SNX29: variants seen among roughly 807,000 people sequenced by gnomAD.
The protein encoded by SNX29 is sorting nexin 29, also known as sorting nexin-29.
SNX29 carries 78 observed loss-of-function variants against 102.1 expected under a neutral mutation model. The ratio of observed to expected loss-of-function variants is 0.76; its 90% CI spans 0.64 to 0.92. The LOEUF (loss-of-function observed/expected upper bound fraction) is 0.92. SNX29 is among the 40% of genes least tolerant of loss of function. The pLI is 0.00. For missense variants in SNX29, 1,280 were observed against 1,061.7 expected (o/e 1.21, Z -2.86); for synonymous variants, 580 against 414.5 (o/e 1.40, Z -4.85).
intron 14 of SNX29, among the ~76,000 whole-genome samples, chr16:12,233,800 C>T (rs2077842358): frequency 6.6e-6 from 1 of 152,154 alleles, no homozygotes; most frequent in Non-Finnish European, 1.5e-5. Flanking sequence ...CATTCTCCTT[C>T]CTGTCTCTGT....
chr16:12,471,587 A>G (rs1361873799), intron 18 of SNX29, among the ~76,000 whole-genome samples: 1 of 152,246 alleles, frequency 6.6e-6, no homozygotes, highest in East Asian at 1.9e-4. Flanking sequence ...GTGTACCCAC[A>G]GAGCCTTGGC....
intron 14 of SNX29, among the ~76,000 whole-genome samples, chr16:12,248,917 G>A (rs2078341292): frequency 6.6e-6 from 1 of 152,176 alleles, no homozygotes; most frequent in African/African-American, 2.4e-5. Context: ...TTAGTGTCCA[G>A]AACAGTGAGT....
intron 11 of SNX29, chr16:12,095,122 C>G (rs371011927): frequency 6.6e-6 from 1 of 152,142 alleles, no homozygotes. Context: ...GCGGAAGTAC[C>G]GTCACTGCTG....
At chr16:12,141,943 C>T (rs1270882972) in intron 13 of SNX29, among the ~76,000 whole-genome samples, 1 of 152,188 alleles carries the variant, frequency 6.6e-6, no homozygotes, top group South Asian at 2.1e-4. Context: ...GTCTCAGCCT[C>T]ATTTTAACCA....
chr16:12,000,262 C>A (rs2056238824), intron 2 of SNX29: 1 of 152,920 alleles, frequency 6.5e-6, no homozygotes, highest in Admixed American at 6.5e-5. Context: ...GTGCCAGGCT[C>A]TCTGCTAAGC....
chr16:12,322,034 G>C (rs576726354), intron 15 of SNX29, among the ~76,000 whole-genome samples: 1 of 152,160 alleles, frequency 6.6e-6, no homozygotes, highest in South Asian at 2.1e-4. Flanking sequence ...TCAGGCTGTC[G>C]TCGGGGTCCC....
chr16:12,115,311 T>C (rs923066354), intron 11 of SNX29, among the ~76,000 whole-genome samples: 1 of 152,140 alleles, frequency 6.6e-6, no homozygotes, highest in Non-Finnish European at 1.5e-5. Context: ...AGTGGGTTTC[T>C]CAGTCTCCCT....
Position 12,571,522 on chromosome 16 carries a change from C to A in SNX29, c.*2893C>A. ...GCCCACCTCTCAAGGGCCTTGGATT[C>A]CTGGGACCACCCTTTGCTGGGAGGA... On this transcript the variant is annotated 3_prime_UTR_variant, in exon 21 of 21. Coordinates refer to ENST00000566228, the MANE Select transcript of SNX29 (RefSeq NM_032167.5). 2.6e-6 allele frequency: 2 copies of A among 778,778 alleles called. No homozygotes were observed. Among genetic ancestry groups the A allele is most frequent in the Non-Finnish European group, 1.6e-6 (1 of 618,208 alleles). 48.2% of individuals were successfully genotyped at this position (778,778 alleles called of 1,614,324 possible).
chr16:12,320,124 C>G (rs2080883431), intron 15 of SNX29, among the ~76,000 whole-genome samples: 1 of 152,140 alleles, frequency 6.6e-6, no homozygotes, highest in Non-Finnish European at 1.5e-5. Flanking sequence ...AAAGTAATCA[C>G]TACTGTGCTA....
At chr16:12,321,503 C>T (rs866825201) in intron 15 of SNX29, among the ~76,000 whole-genome samples, 1 of 152,190 alleles carries the variant, frequency 6.6e-6, no homozygotes, top group African/African-American at 2.4e-5. Flanking sequence ...ATAGCTATTT[C>T]TTTCTTCCGT....
intron 14 of SNX29, among the ~76,000 whole-genome samples, chr16:12,257,995 C>T (rs576598731): frequency 6.6e-6 from 1 of 152,326 alleles, no homozygotes; most frequent in South Asian, 2.1e-4. Flanking sequence ...CTGCTATCGC[C>T]TGGGTCAGGC....
At chr16:12,459,957 A>C (rs1414996685) in intron 18 of SNX29, among the ~76,000 whole-genome samples, 2 of 152,242 alleles carry the variant, frequency 1.3e-5, no homozygotes, top group African/African-American at 4.8e-5. Flanking sequence ...GTTCCTCTCC[A>C]GAAGAGAAGT....
intron 14 of SNX29, among the ~76,000 whole-genome samples, chr16:12,241,467 T>A (rs2078102681): frequency 6.7e-6 from 1 of 149,850 alleles, no homozygotes; most frequent in Non-Finnish European, 1.5e-5. Flanking sequence ...TGGTCTATCT[T>A]TTTTTTTTTG....
At chr16:12,082,920 G>C (rs927309875) in intron 11 of SNX29, among the ~76,000 whole-genome samples, 1 of 152,164 alleles carries the variant, frequency 6.6e-6, no homozygotes, top group Non-Finnish European at 1.5e-5. Context: ...TGCAAGAGGA[G>C]TAAGAAGAGT....
intron 15 of SNX29, among the ~76,000 whole-genome samples, chr16:12,345,495 C>G (rs1286095814): frequency 6.6e-6 from 1 of 152,196 alleles, no homozygotes; most frequent in Non-Finnish European, 1.5e-5. Context: ...ACTCAGATAT[C>G]ATGGGTCTGT....
chr16:12,157,009 T>A (rs1269858046), intron 13 of SNX29, among the ~76,000 whole-genome samples: 1 of 152,066 alleles, frequency 6.6e-6, no homozygotes, highest in Non-Finnish European at 1.5e-5. Context: ...TTTAGGTGCT[T>A]CTCTGGGAGC....
At chr16:12,378,923 C>T (rs921906248) in intron 16 of SNX29, among the ~76,000 whole-genome samples, 4 of 152,216 alleles carry the variant, frequency 2.6e-5, no homozygotes, top group Non-Finnish European at 5.9e-5. Flanking sequence ...CCCCCAGATT[C>T]ACTCTGAACC....
chr16:12,555,458 C>G (rs1033265578), intron 20 of SNX29, among the ~76,000 whole-genome samples: 5 of 151,944 alleles, frequency 3.3e-5, no homozygotes, highest in African/African-American at 9.7e-5. Context: ...GGGTGTTTCC[C>G]TAGTTGACAT....
intron 8 of SNX29, among the ~76,000 whole-genome samples, chr16:12,060,498 A>G (rs533649352): frequency 1.5e-3 from 235 of 152,300 alleles, no homozygotes; most frequent in African/African-American, 5.5e-3. Flanking sequence ...ACTCCTCGGG[A>G]TGCTGAGGCA....
Sources: gnomAD v4.1 joint callset for allele counts (sites outside exome capture counted in the v4.1 genomes callset) on GRCh38, gnomAD v4.1.1 for gene constraint, MANE v1.5 for transcripts, NCBI Gene and HGNC (gene_info 2026-07-23, HGNC 2026-07-21) for gene names.